CALCR: variants seen among roughly 807,000 people sequenced by gnomAD.
CALCR encodes calcitonin receptor.
Under a neutral mutation model 59.5 loss-of-function variants are expected in CALCR, and 47 were observed. The observed-to-expected ratio is 0.79, with a 90% confidence interval of 0.63 to 1.01. CALCR has a LOEUF of 1.01. CALCR is among the 50% of genes least tolerant of loss of function. The probability of loss-of-function intolerance (pLI) is 0.00; values close to 1 mark genes in which losing one functional copy is unlikely to be tolerated. For synonymous variants in CALCR, 213 were observed against 211.3 expected, an observed-to-expected ratio of 1.01 and a Z score of -0.07; for missense variants, 566 against 597.1, an observed-to-expected ratio of 0.95 and a Z score of 0.54.
At chr7:93,470,258 T>TACACAC (rs60525647) in intron 6 of CALCR, among the ~76,000 whole-genome samples, 22 of 147,822 alleles carry the variant, frequency 1.5e-4, no homozygotes, top group South Asian at 2.1e-4. Context: ...AGGAATCTTA[T>TACACAC]ACACACACAC....
At chr7:93,441,577 A>C (rs1799905638) in intron 9 of CALCR, 1 of 452,086 alleles carries the variant, frequency 2.2e-6, no homozygotes, top group Admixed American at 2.4e-5. Flanking sequence ...AAATAGTAAA[A>C]GACCATTTTG....
intron 2 of CALCR, among the ~76,000 whole-genome samples, chr7:93,570,607 T>C (rs1463821229): frequency 3.3e-5 from 5 of 152,316 alleles, no homozygotes; most frequent in East Asian, 1.9e-4. Flanking sequence ...CCAATTTATA[T>C]GCTATTTTTA....
chr7:93,461,011 C>T (rs1584553895), intron 7 of CALCR, 64 bp from the exon 8 acceptor site: 3 of 1,325,948 alleles, frequency 2.3e-6, no homozygotes, highest in East Asian at 2.6e-5. Context: ...TGGAAAAAAA[C>T]ATTTTGGTAA....
intron 7 of CALCR, among the ~76,000 whole-genome samples, chr7:93,467,944 A>G (rs1177288565): frequency 6.8e-6 from 1 of 147,800 alleles, no homozygotes; most frequent in Non-Finnish European, 1.5e-5. Context: ...TGGTGTGTCT[A>G]AAAAAAAAAT....
At chr7:93,460,732 G>T in intron 8 of CALCR, 89 bp downstream of exon 8, 1 of 972,736 alleles carries the variant, frequency 1.0e-6, no homozygotes, top group Non-Finnish European at 1.5e-6. Flanking sequence ...GTAAACAGCT[G>T]CTTAAGTCCA....
chr7:93,467,080 A>T (rs1450134915), intron 7 of CALCR, among the ~76,000 whole-genome samples: 1 of 151,808 alleles, frequency 6.6e-6, no homozygotes, highest in Non-Finnish European at 1.5e-5. Context: ...AACTTAAAAA[A>T]TATGCTTTAG....
chr7:93,436,000 C>G lies in CALCR; in HGVS notation c.1101G>C (p.Met367Ile). The G allele has an allele frequency of 2.5e-6, 4 of 1,613,616 alleles. No homozygotes were observed. The highest frequency in any genetic ancestry group is 3.4e-6 in the Non-Finnish European group (4 of 1,179,618). Residue 367 changes from methionine to isoleucine, a missense_variant, in exon 12 of 14, where the codon ATG becomes ATC. Coordinates refer to ENST00000426151, the MANE Select transcript of CALCR (RefSeq NM_001742.4). ...TCACGTAATCATATATCTTCCCAAGCATCTTGTTGGAAGGTCTCCAGGGAA... is the reference window on the plus strand; with the variant it reads ...TCACGTAATCATATATCTTCCCAAGGATCTTGTTGGAAGGTCTCCAGGGAA... Reference protein sequence around the residue: ...VVFPWRPSNKMLGKIYDYVMH... With the variant: ...VVFPWRPSNKILGKIYDYVMH...
chr7:93,554,319 A>C (rs576544826), intron 2 of CALCR, among the ~76,000 whole-genome samples: 1 of 152,152 alleles, frequency 6.6e-6, no homozygotes, highest in African/African-American at 2.4e-5. Flanking sequence ...TCTATTTCCT[A>C]GAGTTTGGCA....
chr7:93,443,916 C>T (rs1799962200), intron 8 of CALCR, among the ~76,000 whole-genome samples, 159 bp from the exon 9 acceptor site: 1 of 152,146 alleles, frequency 6.6e-6, no homozygotes, highest in Non-Finnish European at 1.5e-5. Flanking sequence ...ACCCACAAAT[C>T]AGAGTGAATG....
intron 2 of CALCR, among the ~76,000 whole-genome samples, chr7:93,504,457 C>A (rs972920879): frequency 6.6e-6 from 1 of 152,170 alleles, no homozygotes; most frequent in Non-Finnish European, 1.5e-5. Context: ...GGTAGAAATT[C>A]TTTAACCATG....
At chr7:93,492,305 T>A (rs1423013804) in intron 2 of CALCR, among the ~76,000 whole-genome samples, 2 of 151,078 alleles carry the variant, frequency 1.3e-5, no homozygotes, top group Admixed American at 1.3e-4. Flanking sequence ...AAAATTTTAT[T>A]TTTTAAAAAG....
At chr7:93,469,388 G>A (rs938470315) in intron 6 of CALCR, among the ~76,000 whole-genome samples, 6 of 150,942 alleles carry the variant, frequency 4.0e-5, no homozygotes, top group South Asian at 2.1e-4. Context: ...ATGTTGACTC[G>A]GAAGAATGTC....
At chr7:93,534,046 A>C in intron 2 of CALCR, among the ~76,000 whole-genome samples, 1 of 151,808 alleles carries the variant, frequency 6.6e-6, no homozygotes, top group East Asian at 1.9e-4. Flanking sequence ...TTTTGAAAAT[A>C]CCACTATAAA....
At chr7:93,504,510 C>A (rs772764198) in intron 2 of CALCR, among the ~76,000 whole-genome samples, 8 of 152,026 alleles carry the variant, frequency 5.3e-5, no homozygotes, top group African/African-American at 1.9e-4. Context: ...TTTCTCCCAC[C>A]GTATGTAAAA....
At chr7:93,465,948 C>T (rs1268323330) in intron 7 of CALCR, among the ~76,000 whole-genome samples, 1 of 151,762 alleles carries the variant, frequency 6.6e-6, no homozygotes, top group East Asian at 2.0e-4. Context: ...GAGGCCTGCT[C>T]ATTTGAGGAG....
At chr7:93,436,362 C>G (rs1022165935) in intron 11 of CALCR, among the ~76,000 whole-genome samples, 192 bp from the exon 12 acceptor site, 6 of 152,018 alleles carry the variant, frequency 3.9e-5, no homozygotes, top group Admixed American at 2.0e-4. Context: ...TTTTATGTTC[C>G]CTCCAGCAGT....
intron 11 of CALCR, 136 bp from the exon 12 acceptor site, chr7:93,436,306 A>G (rs1337280081): frequency 5.8e-6 from 4 of 690,320 alleles, no homozygotes; most frequent in South Asian, 1.8e-5. Context: ...CCTGAGAGGT[A>G]GCACAATTGG....
intron 2 of CALCR, among the ~76,000 whole-genome samples, chr7:93,543,120 G>C (rs1032949243): frequency 6.6e-6 from 1 of 151,860 alleles, no homozygotes; most frequent in Non-Finnish European, 1.5e-5. Flanking sequence ...TTTGTTTTTT[G>C]TTTTGAGATA....
At chr7:93,564,876 T>C (rs1472037751) in intron 2 of CALCR, among the ~76,000 whole-genome samples, 1 of 150,980 alleles carries the variant, frequency 6.6e-6, no homozygotes, top group Non-Finnish European at 1.5e-5. Context: ...ACAAAGGGAG[T>C]TTAGAGAGAT....
Sources: allele counts gnomAD v4.1 joint callset (sites outside exome capture counted in the v4.1 genomes callset), GRCh38; gene constraint gnomAD v4.1.1; transcripts MANE v1.5; gene names NCBI Gene and HGNC (gene_info 2026-07-23, HGNC 2026-07-21).